RBFOX1: variants seen among roughly 807,000 people sequenced by gnomAD.
The protein encoded by RBFOX1 is RNA binding fox-1 homolog 1, also known as RNA binding protein fox-1 homolog 1.
RBFOX1 carries 8 observed loss-of-function variants against 57.7 expected under a neutral mutation model. The observed-to-expected ratio is 0.14, with a 90% CI of 0.08 to 0.25. RBFOX1 has a LOEUF of 0.25. Among genes scored for constraint, RBFOX1 ranks in the 10% least tolerant of loss-of-function variants. The pLI, the probability that RBFOX1 is intolerant of heterozygous loss-of-function variation, is 1.00. For synonymous variants in RBFOX1, 326 were observed against 222.4 expected (o/e 1.47, Z -4.15); for missense variants, 611 against 548.5 (o/e 1.11, Z -1.14).
chr16:7,509,022 A>G (rs57546397), intron 4 of RBFOX1, among the ~76,000 whole-genome samples: 7,953 of 152,304 alleles, frequency 0.052, 303 homozygotes, highest in East Asian at 0.15. Flanking sequence ...TTTCATAATA[A>G]AGGAAGAACA....
intron 4 of RBFOX1, among the ~76,000 whole-genome samples, chr16:7,471,737 A>G (rs750179489): frequency 3.3e-4 from 50 of 152,260 alleles, no homozygotes; most frequent in Admixed American, 1.9e-3. Flanking sequence ...GATGTTTTTA[A>G]AGTAGAAGAG....
chr16:5,995,821 C>G (rs531568630), intron 4 of RBFOX1, among the ~76,000 whole-genome samples: 15 of 152,094 alleles, frequency 9.9e-5, no homozygotes, highest in Non-Finnish European at 1.3e-4. Context: ...AGGAAAGTGT[C>G]TTAACCCATT....
chr16:6,555,995 C>T (rs1038066087), intron 2 of RBFOX1, among the ~76,000 whole-genome samples: 15 of 152,148 alleles, frequency 9.9e-5, no homozygotes, highest in Admixed American at 7.2e-4. Flanking sequence ...GAACCGACTA[C>T]ATTTTTTTGT....
chr16:6,058,532 G>A lies in RBFOX1; in HGVS notation c.-127+38540G>A, dbSNP rs80263255. ...GCATTTCCAGAAAATATCGAGATCC[G>A]TCTTATATATCTGTTTATTCATCCA... On this transcript the variant is annotated intron_variant, in intron 1 of 15. Coordinates refer to ENST00000550418, the MANE Select transcript of RBFOX1 (RefSeq NM_018723.4). Among the ~76,000 whole-genome samples the A allele has an allele frequency of 1.4e-3, 212 of 152,114 alleles. 1 individual carries two copies. The highest frequency in any genetic ancestry group is 4.8e-3 in the African/African-American group (198 of 41,484).
intron 2 of RBFOX1, among the ~76,000 whole-genome samples, chr16:6,512,185 G>A (rs2096268073): frequency 6.7e-6 from 1 of 148,784 alleles, no homozygotes; most frequent in East Asian, 2.0e-4. Context: ...TTGGGTTGCT[G>A]AGGTCGTAGG....
intron 2 of RBFOX1, among the ~76,000 whole-genome samples, chr16:6,640,286 G>C (rs1252926513): frequency 6.6e-6 from 1 of 152,032 alleles, no homozygotes; most frequent in African/African-American, 2.4e-5. Context: ...TAAGAACTAG[G>C]CTATATTTTT....
upstream of RBFOX1, among the ~76,000 whole-genome samples, chr16:6,017,782 A>T (rs530357689): frequency 6.6e-6 from 1 of 152,336 alleles, no homozygotes; most frequent in South Asian, 2.1e-4. Context: ...ACCCTTAAGG[A>T]ATCTGCTCCT....
intron 1 of RBFOX1, among the ~76,000 whole-genome samples, chr16:6,280,732 G>A (rs1452478451): frequency 6.6e-6 from 1 of 152,082 alleles, no homozygotes; most frequent in Non-Finnish European, 1.5e-5. Flanking sequence ...CACGGTTTAT[G>A]TGTTTATACC....
intron 2 of RBFOX1, among the ~76,000 whole-genome samples, chr16:6,480,050 GAAAAAA>G (rs78928257): frequency 1.3e-4 from 15 of 119,728 alleles, no homozygotes; most frequent in African/African-American, 4.5e-4. Flanking sequence ...ACTCCACCTC[GAAAAAA>G]AAAAAAAAAA....
intron 1 of RBFOX1, among the ~76,000 whole-genome samples, chr16:6,277,455 T>TC (rs1221627357): frequency 1.3e-4 from 2 of 14,844 alleles, no homozygotes; most frequent in African/African-American, 5.2e-4. Context: ...AGAGTCTGTC[T>TC]CCCAAAAAAA....
At chr16:7,365,841 G>A (rs2097433278) in intron 4 of RBFOX1, among the ~76,000 whole-genome samples, 1 of 152,174 alleles carries the variant, frequency 6.6e-6, no homozygotes, top group Non-Finnish European at 1.5e-5. Context: ...ACTACATCCA[G>A]GGTAGCTGGG....
intron 3 of RBFOX1, among the ~76,000 whole-genome samples, chr16:5,704,634 C>A (rs570185997): frequency 1.6e-4 from 24 of 152,314 alleles, no homozygotes; most frequent in African/African-American, 5.5e-4. Context: ...CACCGGATCT[C>A]AAGTTGAGTG....
chr16:6,227,809 T>C (rs937717283), intron 1 of RBFOX1, among the ~76,000 whole-genome samples: 1 of 152,190 alleles, frequency 6.6e-6, no homozygotes, highest in African/African-American at 2.4e-5. Flanking sequence ...CTTAACTGAA[T>C]TATTTCTCTC....
intron 3 of RBFOX1, among the ~76,000 whole-genome samples, chr16:6,804,967 A>G (rs1198070303): frequency 3.3e-5 from 5 of 152,210 alleles, no homozygotes; most frequent in African/African-American, 1.2e-4. Context: ...GTTCATTGTG[A>G]AAAGCACTGT....
chr16:7,505,242 C>CAA (rs34767987), intron 4 of RBFOX1, among the ~76,000 whole-genome samples: 45 of 114,052 alleles, frequency 3.9e-4, no homozygotes, highest in Middle Eastern at 5.4e-3. Flanking sequence ...AGTGATGGAC[C>CAA]AAAAAAAAAA....
At chr16:6,664,694 C>T (rs775057961) in intron 3 of RBFOX1, among the ~76,000 whole-genome samples, 17 of 152,158 alleles carry the variant, frequency 1.1e-4, no homozygotes, top group Non-Finnish European at 1.8e-4. Context: ...TGTTCAGAAC[C>T]CACAGATAGG....
At chr16:5,891,624 C>T (rs2058046577) in intron 4 of RBFOX1, among the ~76,000 whole-genome samples, 1 of 152,094 alleles carries the variant, frequency 6.6e-6, no homozygotes, top group Non-Finnish European at 1.5e-5. Context: ...GGTGAGGGTG[C>T]ACCAGGAAGC....
chr16:7,100,228 A>T (rs1368581716), intron 4 of RBFOX1, among the ~76,000 whole-genome samples: 1 of 152,172 alleles, frequency 6.6e-6, no homozygotes, highest in East Asian at 1.9e-4. Context: ...TTCAGTGCTG[A>T]TATCAGTGTT....
At chr16:6,381,988 C>T (rs1043114984) in intron 2 of RBFOX1, among the ~76,000 whole-genome samples, 3 of 152,200 alleles carry the variant, frequency 2.0e-5, no homozygotes, top group Admixed American at 2.0e-4. Flanking sequence ...TAAAGGGCCA[C>T]ACAGGAAATA....
Sources: allele counts gnomAD v4.1 joint callset (sites outside exome capture counted in the v4.1 genomes callset), GRCh38; gene constraint gnomAD v4.1.1; transcripts MANE v1.5; gene names NCBI Gene and HGNC (gene_info 2026-07-23, HGNC 2026-07-21).